RABGAP1: variants seen among roughly 807,000 people sequenced by gnomAD.
RABGAP1 encodes the protein rab GTPase-activating protein 1.
A neutral mutation model predicts 137.6 loss-of-function variants in RABGAP1; 23 were observed. That is an observed-to-expected ratio of 0.17 (90% CI 0.12 to 0.24). The LOEUF is 0.24. Ranked by LOEUF, RABGAP1 falls within the 10% of genes least tolerant of loss-of-function variation. The pLI is 1.00. For synonymous variants in RABGAP1, 451 were observed against 450.7 expected (o/e 1.00, Z -0.01); for missense variants, 906 against 1,275.8 (o/e 0.71, Z 4.42).
Position 123,081,045 on chromosome 9 carries a change from C to G in RABGAP1, c.2424+4283C>G, listed in dbSNP as rs914834612. Reference sequence around the variant, plus strand: ...CTCTTCCTCCTCCTCCTCAGCCTACCCATCATGAGGACAACCAGGATGAAG... The same window carrying G: ...CTCTTCCTCCTCCTCCTCAGCCTACGCATCATGAGGACAACCAGGATGAAG... On this transcript the variant is annotated intron_variant, in intron 19 of 25. Coordinates refer to ENST00000373647, the MANE Select transcript of RABGAP1 (RefSeq NM_012197.4). Among the ~76,000 whole-genome samples, 8 of 152,244 alleles carry G rather than the reference C, an allele frequency of 5.3e-5. No homozygotes were observed. In the East Asian group the frequency reaches 1.3e-3, roughly 26 times the overall value.
chr9:122,997,264 T>C lies in RABGAP1; in HGVS notation c.1107T>C (p.Ser369=). Residue 369 remains serine (S), a synonymous_variant, in exon 9 of 26, where the codon TCT becomes TCC. Coordinates refer to ENST00000373647, the MANE Select transcript of RABGAP1 (RefSeq NM_012197.4). ...NSDMHLLDLE[S]MGKSSDGKSY... is the part of the protein sequence containing the mutation. ...TTTTTACTCTTTTTTTCTAGGAATC[T>C]ATGGGCAAAAGTTCAGATGGAAAGT... is the stretch of plus-strand genomic sequence containing the variant. 6.2e-7 allele frequency: 1 copy of C among 1,603,332 alleles called. No homozygotes were observed. The highest frequency in any genetic ancestry group is 8.5e-7 in the Non-Finnish European group (1 of 1,175,380).
At chr9:122,950,146 T>A (rs1013115002) in intron 1 of RABGAP1, among the ~76,000 whole-genome samples, 2 of 152,152 alleles carry the variant, frequency 1.3e-5, no homozygotes, top group Non-Finnish European at 2.9e-5. Flanking sequence ...TTTTAGAAAT[T>A]AACTTTGGGG....
chr9:123,015,296 T>C (rs1025330861), intron 11 of RABGAP1, among the ~76,000 whole-genome samples: 10 of 150,454 alleles, frequency 6.6e-5, no homozygotes, highest in Non-Finnish European at 1.3e-4. Context: ...CTCCTTTTTT[T>C]TTTTTTTTTT....
chr9:123,039,604 T>G (rs949295686), intron 13 of RABGAP1, among the ~76,000 whole-genome samples: 1 of 152,152 alleles, frequency 6.6e-6, no homozygotes, highest in Non-Finnish European at 1.5e-5. Context: ...ATCAAGAGAT[T>G]AATGTGGTAA....
In RABGAP1 at chr9:123,098,760, A is replaced by G; in HGVS notation, c.2779A>G (p.Ile927Val). The change falls in exon 23 of 26, where the codon ATT becomes GTT. Residue 927 changes from isoleucine to valine, a missense_variant. Transcript: ENST00000373647. ...RRELDKAESE[I>V]KKNSSIIGDY... is the part of the protein sequence containing the mutation. ...GGAACTCGACAAGGCAGAATCTGAGATTAAAAAAAACAGTTCTATCATTGG... is the reference window on the plus strand; with the variant it reads ...GGAACTCGACAAGGCAGAATCTGAGGTTAAAAAAAACAGTTCTATCATTGG... The G allele has an allele frequency of 6.2e-7, 1 of 1,613,952 alleles. No individual in the cohort carries two copies.
intron 2 of RABGAP1, among the ~76,000 whole-genome samples, chr9:122,975,103 C>A (rs752533296): frequency 6.6e-6 from 1 of 152,174 alleles, no homozygotes; most frequent in Admixed American, 6.5e-5. Context: ...GAACCATTTT[C>A]ATTTGTGTTT....
At chr9:122,963,968 C>T (rs1464550674) in intron 2 of RABGAP1, among the ~76,000 whole-genome samples, 3 of 152,036 alleles carry the variant, frequency 2.0e-5, no homozygotes, top group African/African-American at 7.2e-5. Flanking sequence ...GAGTTGTGTG[C>T]CCATAAATAG....
chr9:123,077,238 C>G (rs1215647776), intron 19 of RABGAP1, among the ~76,000 whole-genome samples: 1 of 151,516 alleles, frequency 6.6e-6, no homozygotes, highest in Non-Finnish European at 1.5e-5. Flanking sequence ...CAGCCTGGAC[C>G]TCCCAGGCTC....
At chr9:123,022,162 A>T (rs2031681527) in intron 13 of RABGAP1, among the ~76,000 whole-genome samples, 1 of 152,222 alleles carries the variant, frequency 6.6e-6, no homozygotes, top group African/African-American at 2.4e-5. Context: ...GTCAAAAATG[A>T]TTCTTAAGAG....
chr9:122,979,257 C>G (rs1307183586), intron 2 of RABGAP1, among the ~76,000 whole-genome samples: 1 of 152,110 alleles, frequency 6.6e-6, no homozygotes, highest in Non-Finnish European at 1.5e-5. Context: ...TCCCTGATGG[C>G]TAGTAATGTT....
At chr9:123,037,165 A>G (rs1564151429) in intron 13 of RABGAP1, among the ~76,000 whole-genome samples, 1 of 152,174 alleles carries the variant, frequency 6.6e-6, no homozygotes, top group Non-Finnish European at 1.5e-5. Context: ...GTTAAAGTGG[A>G]TTTCTGAATC....
At chr9:123,096,315 C>CAATTTAATTGCGTGCATTTGCAG (rs2035181888) in intron 21 of RABGAP1, among the ~76,000 whole-genome samples, 1 of 150,662 alleles carries the variant, frequency 6.6e-6, no homozygotes, top group Admixed American at 6.9e-5. Context: ...AAGAGTCACT[C>CAATTTAATTGCGTGCATTTGCAG]TTTTACCAAA....
At chr9:122,971,349 G>A (rs938857638) in intron 2 of RABGAP1, among the ~76,000 whole-genome samples, 1 of 152,100 alleles carries the variant, frequency 6.6e-6, no homozygotes, top group African/African-American at 2.4e-5. Flanking sequence ...AGCAATTGCA[G>A]AACTACTCTG....
chr9:123,049,627 A>C (rs1335956430), intron 13 of RABGAP1, among the ~76,000 whole-genome samples: 1 of 152,116 alleles, frequency 6.6e-6, no homozygotes, highest in Non-Finnish European at 1.5e-5. Context: ...TTATAATTTC[A>C]TTTGGTTTAA....
chr9:122,997,135 T>TA (rs1837064135), intron 8 of RABGAP1, 124 bp from the exon 9 acceptor site: 1 of 676,192 alleles, frequency 1.5e-6, no homozygotes, highest in Admixed American at 2.9e-5. Context: ...ATCATTCACA[T>TA]ACACTTATCC....
chr9:123,034,638 TGTCA>T, intron 13 of RABGAP1: 2 of 1,613,722 alleles, frequency 1.2e-6, no homozygotes, highest in Non-Finnish European at 1.7e-6. Context: ...ATTTGGAAAC[TGTCA>T]ATTTTTGCCT....
intron 13 of RABGAP1, among the ~76,000 whole-genome samples, chr9:123,059,109 C>G (rs2033863639): frequency 6.6e-6 from 1 of 152,180 alleles, no homozygotes; most frequent in African/African-American, 2.4e-5. Context: ...GTAATAATGA[C>G]TCATAAAAGT....
At position 123,034,472 on chromosome 9, in the gene RABGAP1, A is replaced by G. The variant is rs1002491966; in HGVS notation, c.1794+14013A>G. The G allele has an allele frequency of 2.4e-5, 18 of 764,276 alleles. No individual in the cohort carries two copies. The African/African-American group carries it at 2.4e-4, about 10-fold the overall frequency. The allele number at this position is 764,276 out of a possible 1,614,324, so 47.3% of individuals were successfully genotyped here. ...AGGCTCCTCTGGCATTATTACACACATGCAAAGCTGACCGCAATGACAGCA... is the reference window on the plus strand; with the variant it reads ...AGGCTCCTCTGGCATTATTACACACGTGCAAAGCTGACCGCAATGACAGCA... On this transcript the variant is annotated intron_variant, in intron 13 of 25. Transcript: ENST00000373647.
In RABGAP1 at chr9:123,073,512, C is replaced by T. The variant is rs770837372; in HGVS notation, c.1984-40C>T. 98 of 1,580,308 alleles carry T rather than the reference C, an allele frequency of 6.2e-5. No individual in the cohort carries two copies. In the Middle Eastern group the frequency reaches 1.2e-3, roughly 19 times the overall value. ...TTCTGTATGTTTTGTGATTCCCCAC[C>T]GCCATCCTCCCTACCCAACAACTTG... On this transcript the variant is annotated intron_variant, in intron 15 of 25. Transcript: ENST00000373647.
Sources: allele counts gnomAD v4.1 joint callset (sites outside exome capture counted in the v4.1 genomes callset), GRCh38; gene constraint gnomAD v4.1.1; transcripts MANE v1.5; gene names NCBI Gene and HGNC (gene_info 2026-07-23, HGNC 2026-07-21).